The following KAZN variants were observed in gnomAD, a reference collection of about 807,000 sequenced individuals.
The protein encoded by KAZN is kazrin, periplakin interacting protein.
A neutral mutation model predicts 87.4 loss-of-function variants in KAZN; 40 were observed. That is an observed-to-expected ratio of 0.46 (90% CI 0.36 to 0.60). The LOEUF (loss-of-function observed/expected upper bound fraction) is 0.60, where lower values mean the gene tolerates loss of function less well. Ranked by LOEUF, KAZN falls within the 20% of genes least tolerant of loss-of-function variation. KAZN has a pLI of 0.00. For missense variants in KAZN, 898 were observed against 1,073.9 expected (o/e 0.84, Z 2.29); for synonymous variants, 466 against 458.3 (o/e 1.02, Z -0.22).
chr1:14,406,617 C>T (rs544717400), intron 2 of KAZN, among the ~76,000 whole-genome samples: 3 of 152,168 alleles, frequency 2.0e-5, no homozygotes, highest in East Asian at 3.9e-4. Flanking sequence ...ATGGGTGCAC[C>T]AAAATCTCAC....
chr1:14,268,932 C>T (rs959363450), intron 2 of KAZN, among the ~76,000 whole-genome samples: 4 of 152,192 alleles, frequency 2.6e-5, no homozygotes, highest in African/African-American at 4.8e-5. Context: ...CTCACGCTTG[C>T]GGTCATTAAT....
chr1:14,157,604 G>A (rs1198531092), intron 1 of KAZN, among the ~76,000 whole-genome samples: 2 of 152,100 alleles, frequency 1.3e-5, no homozygotes, highest in African/African-American at 4.8e-5. Context: ...AGAGGTATTG[G>A]GGCCCCATTG....
At chr1:14,127,690 A>G (rs748873792) in intron 1 of KAZN, among the ~76,000 whole-genome samples, 3 of 152,274 alleles carry the variant, frequency 2.0e-5, no homozygotes, top group Non-Finnish European at 2.9e-5. Flanking sequence ...GAGAGAATGC[A>G]TGGGGTTACG....
intron 1 of KAZN, among the ~76,000 whole-genome samples, chr1:14,733,168 G>A (rs535744095): frequency 6.6e-6 from 1 of 152,144 alleles, no homozygotes; most frequent in Non-Finnish European, 1.5e-5. Context: ...CTTTCTGACA[G>A]AGGGACTTTC....
At position 14,720,417 on chromosome 1, in the gene KAZN, G is replaced by C. The variant is rs768123320; in HGVS notation, c.226+121194G>C. Among the ~76,000 whole-genome samples, 3 of 152,078 alleles carry C rather than the reference G, an allele frequency of 2.0e-5. 1 individual carries two copies. Among genetic ancestry groups the C allele is most frequent in the Non-Finnish European group, 1.5e-5 (1 of 68,004 alleles). On this transcript the variant is annotated intron_variant, in intron 1 of 14. Transcript: ENST00000376030. ...CACCGTGAGTCTGATTCCTTTCTGT[G>C]TTTTTCGTTCTTGCCCCAAAAGGTT...
chr1:15,089,726 T>C (rs1037135637), intron 8 of KAZN, among the ~76,000 whole-genome samples: 4 of 125,110 alleles, frequency 3.2e-5, no homozygotes, highest in Non-Finnish European at 4.8e-5. Flanking sequence ...GGGAAGCTTT[T>C]ATTGGCAAAA....
chr1:14,677,919 G>A (rs539359145), intron 1 of KAZN, among the ~76,000 whole-genome samples: 120 of 152,228 alleles, frequency 7.9e-4, no homozygotes, highest in African/African-American at 2.6e-3. Context: ...TGTGCTTTAC[G>A]GAGAAAACAC....
intron 2 of KAZN, among the ~76,000 whole-genome samples, chr1:14,326,641 T>TACCTCTCTC (rs1348044398): frequency 6.6e-6 from 1 of 152,180 alleles, no homozygotes; most frequent in Non-Finnish European, 1.5e-5. Flanking sequence ...GCTCCCCTGG[T>TACCTCTCTC]ACCTCTCTCA....
At chr1:13,969,421 A>AGACTTTAGGAT (rs1169145846) in intron 1 of KAZN, among the ~76,000 whole-genome samples, 1 of 152,212 alleles carries the variant, frequency 6.6e-6, no homozygotes, top group East Asian at 1.9e-4. Flanking sequence ...AGATGGAGGC[A>AGACTTTAGGAT]GACTTTAGGA....
chr1:14,445,765 A>G (rs11586953), intron 2 of KAZN, among the ~76,000 whole-genome samples: 38,001 of 152,020 alleles, frequency 0.25, 5,563 homozygotes, highest in Middle Eastern at 0.43. Flanking sequence ...GAACACACAT[A>G]TTGGAGTGAT....
At chr1:14,664,084 A>G (rs1257609285) in intron 1 of KAZN, among the ~76,000 whole-genome samples, 2 of 152,230 alleles carry the variant, frequency 1.3e-5, no homozygotes, top group African/African-American at 4.8e-5. Context: ...GACAAATATT[A>G]TATGATTCCA....
At position 15,078,950 on chromosome 1, in the gene KAZN, G is replaced by A. The variant is rs575536381; in HGVS notation, c.1222+13197G>A. ...AAATGTGTTTGCTGTTCCTAAACTGGCCTTTGTGCAATGCATAGTGAAAGC... is the reference window on the plus strand; with the variant it reads ...AAATGTGTTTGCTGTTCCTAAACTGACCTTTGTGCAATGCATAGTGAAAGC... On this transcript the variant is annotated intron_variant, in intron 8 of 14. Coordinates refer to ENST00000376030, the MANE Select transcript of KAZN (RefSeq NM_201628.3). 1.5e-4 allele frequency among the ~76,000 whole-genome samples: 23 copies of A among 152,304 alleles called. No individual in the cohort carries two copies. In the South Asian group the frequency reaches 4.8e-3, roughly 32 times the overall value.
intron 1 of KAZN, among the ~76,000 whole-genome samples, chr1:13,949,492 C>A (rs1309253102): frequency 1.3e-5 from 2 of 151,658 alleles, no homozygotes; most frequent in Non-Finnish European, 3.0e-5. Flanking sequence ...TATTTAATAA[C>A]CTCTGCATGA....
At chr1:14,448,441 G>A (rs10754857) in intron 2 of KAZN, among the ~76,000 whole-genome samples, 79,446 of 152,112 alleles carry the variant, frequency 0.52, 21,446 homozygotes, top group African/African-American at 0.65. Context: ...ACTGGAAGGT[G>A]TCCTCCATCA....
chr1:15,094,065 A>C lies in KAZN; in HGVS notation c.1223-115A>C, dbSNP rs527736859. Reference sequence around the variant, plus strand: ...CAAAAGCCACTTTGATTTTGAAGAGAATACATGGAGGGGAGGATGTCCCCA... The same window carrying C: ...CAAAAGCCACTTTGATTTTGAAGAGCATACATGGAGGGGAGGATGTCCCCA... On this transcript the variant is annotated intron_variant, in intron 8 of 14. Coordinates refer to ENST00000376030, the MANE Select transcript of KAZN (RefSeq NM_201628.3). The surrounding 1 kb of genome is among the most constrained non-coding windows in gnomAD (Gnocchi z 4.5). 5.4e-4 allele frequency: 446 copies of C among 833,624 alleles called. 2 individuals carry two copies. Among genetic ancestry groups the C allele is most frequent in the Admixed American group, 1.3e-3 (50 of 39,812 alleles). The allele number at this position is 833,624 out of a possible 1,614,324, so 51.6% of individuals were successfully genotyped here.
chr1:14,196,209 G>T (rs1034776452), intron 2 of KAZN, among the ~76,000 whole-genome samples: 4 of 152,158 alleles, frequency 2.6e-5, no homozygotes, highest in African/African-American at 7.2e-5. Flanking sequence ...AGAAGACAGG[G>T]CAAGGTAAGC....
At chr1:14,419,219 C>T (rs539139137) in intron 2 of KAZN, among the ~76,000 whole-genome samples, 2 of 152,158 alleles carry the variant, frequency 1.3e-5, no homozygotes, top group Non-Finnish European at 2.9e-5. Flanking sequence ...GGACACTGTT[C>T]CTGCTGTCAT....
chr1:15,112,253 C>G, intron 13 of KAZN, 174 bp from the exon 14 acceptor site: 1 of 616,216 alleles, frequency 1.6e-6, no homozygotes, highest in Middle Eastern at 4.4e-4. Flanking sequence ...GAGAATCACG[C>G]TTATAAAGTG....
intron 4 of KAZN, among the ~76,000 whole-genome samples, chr1:15,054,256 C>G (rs1252887024): frequency 2.6e-5 from 4 of 152,112 alleles, no homozygotes; most frequent in African/African-American, 4.8e-5. Context: ...GCCCTGCCAT[C>G]TGTAGCTACC....
Sources: gnomAD v4.1 joint callset for allele counts (sites outside exome capture counted in the v4.1 genomes callset) on GRCh38, gnomAD v4.1.1 for gene constraint, Gnocchi (gnomAD v3.1) non-coding constraint, MANE v1.5 for transcripts, NCBI Gene and HGNC (gene_info 2026-07-23, HGNC 2026-07-21) for gene names.